The following MIPEP variants were observed in gnomAD, a reference collection of about 807,000 sequenced individuals.
MIPEP encodes the protein mitochondrial intermediate peptidase.
A neutral mutation model predicts 90.3 loss-of-function variants in MIPEP; 79 were observed. That is an observed-to-expected ratio of 0.87 (90% confidence interval 0.73 to 1.05). MIPEP has a LOEUF of 1.05. MIPEP is among the 50% of genes least tolerant of loss of function. MIPEP has a pLI of 0.00. For synonymous variants in MIPEP, 334 were observed against 315.8 expected (o/e 1.06, Z -0.61); for missense variants, 940 against 905.6 (o/e 1.04, Z -0.49).
chr13:23,875,444 T>C (rs1382528094), intron 4 of MIPEP, among the ~76,000 whole-genome samples: 2 of 152,090 alleles, frequency 1.3e-5, no homozygotes, highest in East Asian at 3.8e-4. Context: ...GATGCTGTGC[T>C]GGAAGCTGAG....
chr13:23,732,288 C>T (rs1408619604), intron 18 of MIPEP, among the ~76,000 whole-genome samples: 1 of 152,046 alleles, frequency 6.6e-6, no homozygotes, highest in African/African-American at 2.4e-5. Context: ...TGTGCTACAC[C>T]AAATGTTGAC....
At chr13:23,824,290 G>C (rs868491462) in intron 14 of MIPEP, among the ~76,000 whole-genome samples, 5 of 152,168 alleles carry the variant, frequency 3.3e-5, no homozygotes, top group African/African-American at 1.2e-4. Flanking sequence ...TTATTACAGA[G>C]CTAAGTCACT....
chr13:23,806,539 G>A (rs909533119), intron 15 of MIPEP, among the ~76,000 whole-genome samples: 3 of 151,976 alleles, frequency 2.0e-5, no homozygotes, highest in Non-Finnish European at 2.9e-5. Context: ...TTAGACAGGC[G>A]TGGTGGCAGG....
At chr13:23,840,292 T>C (rs1461607441) in intron 11 of MIPEP, among the ~76,000 whole-genome samples, 2 of 152,200 alleles carry the variant, frequency 1.3e-5, no homozygotes. Context: ...CCCGATTTTG[T>C]GCTTTAAAAC....
At chr13:23,773,586 G>GT in intron 16 of MIPEP, among the ~76,000 whole-genome samples, 1 of 152,242 alleles carries the variant, frequency 6.6e-6, no homozygotes, top group South Asian at 2.1e-4. Context: ...CACCAGCAAC[G>GT]TATGAGGGTT....
At chr13:23,809,337 A>G (rs1370289384) in intron 15 of MIPEP, among the ~76,000 whole-genome samples, 1 of 149,818 alleles carries the variant, frequency 6.7e-6, no homozygotes, top group Non-Finnish European at 1.5e-5. Context: ...CCCAACTGAA[A>G]ACGGGAAATA....
rs139701760 is a variant in MIPEP, at chr13:23,736,273, A to C, written c.2045-5828T>G. On this transcript the variant is annotated intron_variant, in intron 18 of 18. Coordinates refer to ENST00000382172, the MANE Select transcript of MIPEP (RefSeq NM_005932.4). ...GAAAAGTGTCAATAGCAATATAAGA[A>C]AGACAAAATTGCATCAGGACACACA... 4.1e-3 allele frequency among the ~76,000 whole-genome samples: 619 copies of C among 152,362 alleles called. 3 individuals are homozygous for C. Among genetic ancestry groups the C allele is most frequent in the Non-Finnish European group, 6.6e-3 (446 of 68,038 alleles).
intron 14 of MIPEP, among the ~76,000 whole-genome samples, chr13:23,816,809 A>C (rs1459255153): frequency 2.0e-5 from 3 of 152,300 alleles, no homozygotes; most frequent in Non-Finnish European, 4.4e-5. Flanking sequence ...CACCCAGAGG[A>C]GGCCGACAGA....
intron 14 of MIPEP, among the ~76,000 whole-genome samples, chr13:23,826,297 A>G (rs940716632): frequency 3.9e-5 from 6 of 152,170 alleles, no homozygotes; most frequent in Non-Finnish European, 8.8e-5. Flanking sequence ...GTTATATCAA[A>G]GATCTAAACA....
intron 16 of MIPEP, among the ~76,000 whole-genome samples, chr13:23,770,109 T>C (rs547917650): frequency 6.6e-6 from 1 of 152,208 alleles, no homozygotes; most frequent in Admixed American, 6.5e-5. Flanking sequence ...TATTCTGTTA[T>C]AAGCAACAGA....
At chr13:23,760,448 A>G in intron 16 of MIPEP, 1 of 707,312 alleles carries the variant, frequency 1.4e-6, no homozygotes, top group East Asian at 2.9e-5. Flanking sequence ...CATACCTCAG[A>G]ATGTGACTTA....
chr13:23,812,668 C>T (rs923996532), intron 14 of MIPEP, among the ~76,000 whole-genome samples: 1 of 151,976 alleles, frequency 6.6e-6, no homozygotes, highest in East Asian at 1.9e-4. Flanking sequence ...CAGACACTGC[C>T]TCTAAAAAAA....
At chr13:23,826,910 G>C (rs1868478376) in intron 14 of MIPEP, among the ~76,000 whole-genome samples, 1 of 152,022 alleles carries the variant, frequency 6.6e-6, no homozygotes, top group South Asian at 2.1e-4. Flanking sequence ...AAAATATTTG[G>C]AAAAAAACTG....
Position 23,863,844 on chromosome 13 carries a change from G to C in MIPEP, c.992+297C>G, listed in dbSNP as rs547725532. Among the ~76,000 whole-genome samples, 10 of 152,280 alleles carry C rather than the reference G, an allele frequency of 6.6e-5. No individual in the cohort carries two copies. The East Asian group carries it at 1.9e-3, about 29-fold the overall frequency. On this transcript the variant is annotated intron_variant, in intron 8 of 18. Coordinates refer to ENST00000382172, the MANE Select transcript of MIPEP (RefSeq NM_005932.4). Reference sequence around the variant, plus strand: ...TTATGAACTTGTCATAAAATTCATGGTACAAGTTAAAATAAATAGTTTCAA... The same window carrying C: ...TTATGAACTTGTCATAAAATTCATGCTACAAGTTAAAATAAATAGTTTCAA...
chr13:23,874,043 A>G lies in MIPEP; in HGVS notation c.603+803T>C, dbSNP rs148648296. Among the ~76,000 whole-genome samples, 75 of 152,348 alleles carry G rather than the reference A, an allele frequency of 4.9e-4. No individual in the cohort carries two copies. In the East Asian group the frequency reaches 0.014, roughly 28 times the overall value. ...AAGGCCCTGCCTTCTGCTTTTCCAG[A>G]TATTTTGATAACTTAATCTCTTCAT... On this transcript the variant is annotated intron_variant, in intron 5 of 18. Transcript: ENST00000382172.
At chr13:23,759,383 C>T (rs1401798950) in intron 17 of MIPEP, among the ~76,000 whole-genome samples, 4 of 151,448 alleles carry the variant, frequency 2.6e-5, no homozygotes, top group Admixed American at 2.6e-4. Context: ...ACCCCACCCC[C>T]ACCAGACAGC....
intron 10 of MIPEP, among the ~76,000 whole-genome samples, chr13:23,856,786 TTTGG>T (rs1870064851): frequency 6.6e-6 from 1 of 152,116 alleles, no homozygotes; most frequent in Non-Finnish European, 1.5e-5. Flanking sequence ...GGAACCACCA[TTTGG>T]GCATGCTATA....
At chr13:23,806,967 A>G (rs898276423) in intron 15 of MIPEP, among the ~76,000 whole-genome samples, 6 of 152,142 alleles carry the variant, frequency 3.9e-5, no homozygotes, top group African/African-American at 1.2e-4. Flanking sequence ...GCATCTCGTG[A>G]GTATAGATGT....
chr13:23,806,912 A>G (rs373467590), intron 15 of MIPEP, among the ~76,000 whole-genome samples: 11 of 152,316 alleles, frequency 7.2e-5, no homozygotes, highest in African/African-American at 2.6e-4. Context: ...AGGTGAAAGA[A>G]AATTAAATAG....
Sources: gnomAD v4.1 joint callset for allele counts (sites outside exome capture counted in the v4.1 genomes callset) on GRCh38, gnomAD v4.1.1 for gene constraint, MANE v1.5 for transcripts, NCBI Gene and HGNC (gene_info 2026-07-23, HGNC 2026-07-21) for gene names.